Variants in DTNB observed in about 807,000 individuals in gnomAD.
DTNB encodes DTN-B.
Under a neutral mutation model 90.7 loss-of-function variants are expected in DTNB, and 63 were observed. The ratio of observed to expected loss-of-function variants is 0.69; its 90% CI spans 0.57 to 0.86. DTNB has a LOEUF of 0.86. Ranked by LOEUF, DTNB falls within the 40% of genes least tolerant of loss-of-function variation. The pLI, the probability that DTNB is intolerant of heterozygous loss-of-function variation, is 0.00. For synonymous variants in DTNB, 277 were observed against 286.7 expected (o/e 0.97, Z 0.34); for missense variants, 744 against 807.1 (o/e 0.92, Z 0.95).
At chr2:25,398,369 T>C (rs370855787) in intron 16 of DTNB, among the ~76,000 whole-genome samples, 2 of 152,264 alleles carry the variant, frequency 1.3e-5, no homozygotes, top group Non-Finnish European at 2.9e-5. Flanking sequence ...ATGGGTCTTA[T>C]GCCCCAGCCC....
chr2:25,399,112 G>A (rs533261793), intron 16 of DTNB, among the ~76,000 whole-genome samples: 3 of 152,248 alleles, frequency 2.0e-5, no homozygotes, highest in African/African-American at 4.8e-5. Flanking sequence ...GCAGTGGCGC[G>A]ATCTCGGCTC....
chr2:25,589,368 T>TCTC (rs1491332416), intron 6 of DTNB, among the ~76,000 whole-genome samples: 1 of 51,324 alleles, frequency 1.9e-5, no homozygotes, highest in Non-Finnish European at 3.3e-5. Flanking sequence ...TTTTCTTTTC[T>TCTC]TTTTTTTTTT....
chr2:25,416,812 G>GGAA (rs2048073225), intron 16 of DTNB, among the ~76,000 whole-genome samples: 2 of 118,340 alleles, frequency 1.7e-5, no homozygotes, highest in Admixed American at 8.2e-5. Flanking sequence ...AACGAAGGAA[G>GGAA]GAAGGAAGGA....
intron 16 of DTNB, 189 bp from the exon 17 acceptor site, chr2:25,388,550 G>A (rs1377785457): frequency 1.4e-6 from 1 of 729,350 alleles, no homozygotes; most frequent in Non-Finnish European, 2.1e-6. Context: ...AAAAAAGGAA[G>A]GGGGCGTGCA....
Position 25,533,940 on chromosome 2 carries a change from TTTTATTTA to T in DTNB, c.877-2351_877-2344del, listed in dbSNP as rs374077335. ...GCTACACTGCAATTTTTATTTTTAT[TTTTATTTA>T]TTTATTTATTTATTTATTTATTTTT... is the stretch of plus-strand genomic sequence containing the variant. On this transcript the variant is annotated intron_variant, in intron 8 of 20. Coordinates refer to ENST00000406818, the MANE Select transcript of DTNB (RefSeq NM_021907.5). Among the ~76,000 whole-genome samples the T allele has an allele frequency of 4.6e-3, 696 of 151,260 alleles. 6 individuals are homozygous for T. The highest frequency in any genetic ancestry group is 0.015 in the African/African-American group (636 of 41,164).
intron 4 of DTNB, among the ~76,000 whole-genome samples, chr2:25,620,896 C>T (rs1215025099): frequency 2.0e-5 from 3 of 152,102 alleles, no homozygotes; most frequent in Non-Finnish European, 2.9e-5. Flanking sequence ...CATGATGGCA[C>T]GCACCCAACA....
intron 5 of DTNB, among the ~76,000 whole-genome samples, chr2:25,603,952 G>A (rs760445213): frequency 4.6e-5 from 7 of 152,188 alleles, no homozygotes; most frequent in Non-Finnish European, 7.3e-5. Context: ...GAAAGGTTCT[G>A]AAAATAGCCA....
intron 9 of DTNB, among the ~76,000 whole-genome samples, chr2:25,526,352 AATATATATAAATATATATATATAT>A (rs1327163209): frequency 4.8e-5 from 5 of 103,714 alleles, no homozygotes; most frequent in African/African-American, 2.3e-4. Context: ...AGCACTTATA[AATATATATAAATATATATATATAT>A]ATATATATAT....
At position 25,639,072 on chromosome 2, in the gene DTNB, T is replaced by C. The variant is rs1429983038; in HGVS notation, c.90A>G (p.Ile30Met). 1 of 1,587,582 alleles carries C rather than the reference T, an allele frequency of 6.3e-7. No homozygotes were observed. The highest frequency in any genetic ancestry group is 1.7e-5 in the Admixed American group (1 of 57,494). ...AGGCTGTTCTGTAAGTTGATAGTCG[T>C]ATGACATCAAAATTCTGAGCACCTG... ...IEMRAQNFDV[I>M]RLSTYRTACK... Residue 30 changes from isoleucine (I) to methionine (M), a missense_variant, in exon 3 of 21, where the codon ATA becomes ATG. Coordinates refer to ENST00000406818, the MANE Select transcript of DTNB (RefSeq NM_021907.5).
At chr2:25,480,463 A>C (rs995470582) in intron 10 of DTNB, among the ~76,000 whole-genome samples, 1 of 152,126 alleles carries the variant, frequency 6.6e-6, no homozygotes, top group Admixed American at 6.5e-5. Context: ...ACTGGCAATC[A>C]CAGCTGGCTA....
At chr2:25,577,621 C>A (rs1468466364) in intron 7 of DTNB, among the ~76,000 whole-genome samples, 1 of 152,060 alleles carries the variant, frequency 6.6e-6, no homozygotes, top group Non-Finnish European at 1.5e-5. Context: ...CTGTATGTTA[C>A]AGATCACTAT....
intron 16 of DTNB, among the ~76,000 whole-genome samples, chr2:25,413,411 C>T (rs1272486481): frequency 7.7e-6 from 1 of 129,760 alleles, no homozygotes; most frequent in African/African-American, 2.8e-5. Flanking sequence ...GCTATCCCTC[C>T]CCCCTCCCCC....
chr2:25,459,299 C>A (rs1214762034), intron 10 of DTNB, among the ~76,000 whole-genome samples: 1 of 151,158 alleles, frequency 6.6e-6, no homozygotes, highest in Non-Finnish European at 1.5e-5. Flanking sequence ...AGGCTCAGTT[C>A]GTTTTCAGTC....
At chr2:25,526,316 CGGACA>C (rs562154943) in intron 9 of DTNB, among the ~76,000 whole-genome samples, 319 of 139,672 alleles carry the variant, frequency 2.3e-3, no homozygotes, top group African/African-American at 8.5e-3. Context: ...TCAGGGAGAA[CGGACA>C]GGTAAAATGC....
At chr2:25,568,710 T>G (rs987123353) in intron 8 of DTNB, among the ~76,000 whole-genome samples, 2 of 152,208 alleles carry the variant, frequency 1.3e-5, no homozygotes, top group African/African-American at 4.8e-5. Context: ...GGACAGAGTG[T>G]AATTTCCAAA....
At chr2:25,554,809 A>C (rs749805551) in intron 8 of DTNB, among the ~76,000 whole-genome samples, 22 of 152,330 alleles carry the variant, frequency 1.4e-4, no homozygotes, top group Non-Finnish European at 2.5e-4. Flanking sequence ...ATTTTGATGA[A>C]GTTTAAAAAC....
At chr2:25,560,167 T>C (rs892717296) in intron 8 of DTNB, among the ~76,000 whole-genome samples, 1 of 152,248 alleles carries the variant, frequency 6.6e-6, no homozygotes, top group Non-Finnish European at 1.5e-5. Context: ...GAGAATAGCT[T>C]GAACCTGGGA....
At chr2:25,471,334 G>A (rs2062768249) in intron 10 of DTNB, among the ~76,000 whole-genome samples, 1 of 150,650 alleles carries the variant, frequency 6.6e-6, no homozygotes, top group African/African-American at 2.4e-5. Context: ...CAGTCGTGAT[G>A]CTATCTAAAT....
At chr2:25,436,959 T>C (rs577862915) in intron 12 of DTNB, among the ~76,000 whole-genome samples, 2 of 152,328 alleles carry the variant, frequency 1.3e-5, no homozygotes, top group African/African-American at 4.8e-5. Flanking sequence ...GCTTTCTGGT[T>C]TTGAGTAACT....
Sources: allele counts gnomAD v4.1 joint callset (sites outside exome capture counted in the v4.1 genomes callset), GRCh38; gene constraint gnomAD v4.1.1; transcripts MANE v1.5; gene names NCBI Gene and HGNC (gene_info 2026-07-23, HGNC 2026-07-21).